The following GLI2 variants were observed in gnomAD, a reference collection of about 807,000 sequenced individuals.
GLI2 encodes GLI family zinc finger 2, also known as transcription activator GLI2.
In GLI2, 22 loss-of-function variants were observed where a neutral mutation model predicts 78.9. The ratio of observed to expected loss-of-function variants is 0.28; its 90% confidence interval spans 0.20 to 0.40. GLI2 has a LOEUF of 0.40. Among genes scored for constraint, GLI2 ranks in the 10% least tolerant of loss-of-function variants. The pLI, the probability that GLI2 is intolerant of heterozygous loss-of-function variation, is 1.00. For synonymous variants in GLI2, 974 were observed against 963.7 expected (o/e 1.01, Z -0.20); for missense variants, 2,097 against 2,213.2 (o/e 0.95, Z 1.05).
chr2:120,942,830 A>T (rs1308840872), intron 3 of GLI2, among the ~76,000 whole-genome samples: 1 of 146,610 alleles, frequency 6.8e-6, no homozygotes, highest in Non-Finnish European at 1.5e-5. Flanking sequence ...TCACGCCCTC[A>T]CTCATTCATT....
At chr2:120,931,536 G>A (rs1044054138) in intron 3 of GLI2, among the ~76,000 whole-genome samples, 1 of 152,214 alleles carries the variant, frequency 6.6e-6, no homozygotes, top group Non-Finnish European at 1.5e-5. Flanking sequence ...CTGTTATTCA[G>A]GTTATTTGGG....
intron 1 of GLI2, among the ~76,000 whole-genome samples, chr2:120,781,865 G>C (rs1683859034): frequency 6.6e-6 from 1 of 150,702 alleles, no homozygotes; most frequent in African/African-American, 2.5e-5. Context: ...CCTGGTGACA[G>C]AGTGAGACTC....
At chr2:120,968,187 C>A (rs916302060) in intron 5 of GLI2, among the ~76,000 whole-genome samples, 1 of 152,174 alleles carries the variant, frequency 6.6e-6, no homozygotes, top group Non-Finnish European at 1.5e-5. Flanking sequence ...TTAAAAATTC[C>A]ATTTACACAA....
intron 2 of GLI2, among the ~76,000 whole-genome samples, chr2:120,883,516 G>T (rs947495087): frequency 7.9e-5 from 12 of 152,276 alleles, no homozygotes; most frequent in Non-Finnish European, 1.3e-4. Context: ...ACAAACCCAC[G>T]ATAACCTTGA....
intron 3 of GLI2, among the ~76,000 whole-genome samples, chr2:120,947,194 A>C (rs560543614): frequency 7.2e-5 from 11 of 152,172 alleles, no homozygotes; most frequent in Non-Finnish European, 1.3e-4. Flanking sequence ...CAGTGTCATC[A>C]AGAACGCCCA....
At chr2:120,740,237 C>T (rs1027138144) in intron 1 of GLI2, among the ~76,000 whole-genome samples, 1 of 152,154 alleles carries the variant, frequency 6.6e-6, no homozygotes, top group South Asian at 2.1e-4. Context: ...CATTTAATAT[C>T]TTATTTTCCC....
chr2:120,985,858 C>T (rs1016234877), intron 12 of GLI2, among the ~76,000 whole-genome samples: 5 of 152,248 alleles, frequency 3.3e-5, no homozygotes, highest in African/African-American at 9.6e-5. Context: ...TTTCCCACAA[C>T]CTGCCCCTGG....
chr2:120,913,629 C>A (rs944422742), intron 2 of GLI2, among the ~76,000 whole-genome samples: 17 of 152,294 alleles, frequency 1.1e-4, no homozygotes, highest in Admixed American at 1.0e-3. Context: ...TTGGGACTGA[C>A]AAGAGGCTCC....
rs558986075 is a variant in GLI2, at chr2:120,741,913, G to T, written c.-31+5628G>T. ...GTCGGGAAGAAAGCCAACGGGCCAG[G>T]TCCCCACAGCCGCGCCCGGAGCGCG... On this transcript the variant is annotated intron_variant, in intron 1 of 13. Coordinates refer to ENST00000361492, the MANE Select transcript of GLI2 (RefSeq NM_001374353.1). Among the ~76,000 whole-genome samples the T allele has an allele frequency of 5.3e-5, 8 of 152,306 alleles. No individual in the cohort carries two copies. The South Asian group carries it at 1.0e-3, about 20-fold the overall frequency.
In GLI2 at chr2:120,744,901, G is replaced by A. The variant is rs1436004635; in HGVS notation, c.-31+8616G>A. Among the ~76,000 whole-genome samples, 3 of 152,262 alleles carry A rather than the reference G, an allele frequency of 2.0e-5. No homozygotes were observed. In the South Asian group the frequency reaches 6.2e-4, roughly 32 times the overall value. Reference sequence around the variant, plus strand: ...GTCCAGGAATCTGCATTTTATCCAGGATTTTTAGGGTGGGGTGATGAGGAA... The same window carrying A: ...GTCCAGGAATCTGCATTTTATCCAGAATTTTTAGGGTGGGGTGATGAGGAA... On this transcript the variant is annotated intron_variant, in intron 1 of 13. Transcript: ENST00000361492.
At chr2:120,755,779 T>G (rs1470666894) in intron 1 of GLI2, among the ~76,000 whole-genome samples, 6 of 152,082 alleles carry the variant, frequency 3.9e-5, no homozygotes, top group African/African-American at 1.4e-4. Context: ...TAATACAAAG[T>G]ATGTATCAAA....
At chr2:120,933,881 GCCC>G (rs1558894171) in intron 3 of GLI2, among the ~76,000 whole-genome samples, 3 of 145,706 alleles carry the variant, frequency 2.1e-5, no homozygotes, top group Non-Finnish European at 3.0e-5. Flanking sequence ...GCCCTGCCCT[GCCC>G]TGCCCTGGGG....
intron 2 of GLI2, among the ~76,000 whole-genome samples, chr2:120,835,898 T>C (rs1686589349): frequency 6.6e-6 from 1 of 152,180 alleles, no homozygotes; most frequent in Admixed American, 6.5e-5. Flanking sequence ...CCATGCAGCT[T>C]AACTTTTTTT....
intron 1 of GLI2, among the ~76,000 whole-genome samples, chr2:120,775,687 G>A (rs1222531460): frequency 6.6e-6 from 1 of 152,172 alleles, no homozygotes; most frequent in Non-Finnish European, 1.5e-5. Context: ...CAAGGCAGGG[G>A]AGCAGAGCGC....
chr2:120,821,521 G>A (rs998410887), intron 2 of GLI2, among the ~76,000 whole-genome samples: 1 of 152,096 alleles, frequency 6.6e-6, no homozygotes, highest in African/African-American at 2.4e-5. Flanking sequence ...CCAGCTCCTG[G>A]CCTAGCCTCA....
chr2:120,918,461 T>A (rs2104836840), intron 2 of GLI2, among the ~76,000 whole-genome samples: 1 of 147,638 alleles, frequency 6.8e-6, no homozygotes, highest in Non-Finnish European at 1.5e-5. Flanking sequence ...TTTTTTTGGA[T>A]ATGGAGCCTC....
chr2:120,748,996 G>T (rs528934033), intron 1 of GLI2, among the ~76,000 whole-genome samples: 3 of 152,066 alleles, frequency 2.0e-5, no homozygotes, highest in African/African-American at 7.2e-5. Context: ...TACATTCATT[G>T]ACTGCAAGGA....
At chr2:120,796,454 G>A (rs1279207183) in intron 1 of GLI2, among the ~76,000 whole-genome samples, 1 of 152,152 alleles carries the variant, frequency 6.6e-6, no homozygotes, top group Admixed American at 6.5e-5. Flanking sequence ...ACCCTCTGAT[G>A]CCTGCACTTC....
chr2:120,812,825 C>T (rs1401496856), intron 2 of GLI2, among the ~76,000 whole-genome samples: 1 of 152,208 alleles, frequency 6.6e-6, no homozygotes, highest in Non-Finnish European at 1.5e-5. Flanking sequence ...AGGTGAGTGC[C>T]CCCTCCAATC....
Sources: allele counts gnomAD v4.1 joint callset (sites outside exome capture counted in the v4.1 genomes callset), GRCh38; gene constraint gnomAD v4.1.1; transcripts MANE v1.5; gene names NCBI Gene and HGNC (gene_info 2026-07-23, HGNC 2026-07-21).